BACH2: variants seen among roughly 807,000 people sequenced by gnomAD.
BACH2 encodes transcription regulator protein BACH2.
Under a neutral mutation model 61.8 loss-of-function variants are expected in BACH2, and 5 were observed. That is an observed-to-expected ratio of 0.08 (90% CI 0.04 to 0.17). The LOEUF (loss-of-function observed/expected upper bound fraction) is 0.17. Among genes scored for constraint, BACH2 ranks in the 10% least tolerant of loss-of-function variants. BACH2 has a pLI of 1.00. For missense variants in BACH2, 824 were observed against 1,091.1 expected, an observed-to-expected ratio of 0.76 and a Z score of 3.45; for synonymous variants, 446 against 440.1, an observed-to-expected ratio of 1.01 and a Z score of -0.17.
At chr6:90,196,256 C>T (rs2127846263) in intron 4 of BACH2, among the ~76,000 whole-genome samples, 1 of 151,972 alleles carries the variant, frequency 6.6e-6, no homozygotes, top group East Asian at 1.9e-4. Flanking sequence ...TAGCCAAGAA[C>T]ACAATGCCAT....
At chr6:90,174,355 T>G (rs1343150400) in intron 4 of BACH2, among the ~76,000 whole-genome samples, 1 of 151,968 alleles carries the variant, frequency 6.6e-6, no homozygotes, top group African/African-American at 2.4e-5. Flanking sequence ...AATACAACAT[T>G]CATCATTCAT....
At chr6:90,080,198 C>G (rs2127804639) in intron 5 of BACH2, among the ~76,000 whole-genome samples, 1 of 152,252 alleles carries the variant, frequency 6.6e-6, no homozygotes, top group African/African-American at 2.4e-5. Flanking sequence ...AAAGTGATAT[C>G]AGAAATATAA....
chr6:90,135,550 C>T (rs1179070006), intron 4 of BACH2, among the ~76,000 whole-genome samples: 1 of 152,078 alleles, frequency 6.6e-6, no homozygotes, highest in African/African-American at 2.4e-5. Context: ...CCTGTCTCTA[C>T]CCCAAAACAC....
chr6:90,098,496 C>T (rs376282954), intron 4 of BACH2, among the ~76,000 whole-genome samples: 5 of 152,124 alleles, frequency 3.3e-5, no homozygotes, highest in South Asian at 4.1e-4. Context: ...ATTAGCCTAG[C>T]GCTTTAAGAG....
At chr6:90,123,333 A>T (rs1472721194) in intron 4 of BACH2, among the ~76,000 whole-genome samples, 1 of 152,216 alleles carries the variant, frequency 6.6e-6, no homozygotes, top group Non-Finnish European at 1.5e-5. Context: ...CCTTTGGAGG[A>T]AGTGTGGCCC....
intron 4 of BACH2, among the ~76,000 whole-genome samples, chr6:90,129,946 T>C (rs1435597281): frequency 6.6e-6 from 1 of 151,854 alleles, no homozygotes; most frequent in Non-Finnish European, 1.5e-5. Flanking sequence ...CTCAGCTCAC[T>C]GCAACCTCCA....
At chr6:90,199,290 G>C (rs1186504833) in intron 4 of BACH2, among the ~76,000 whole-genome samples, 1 of 152,184 alleles carries the variant, frequency 6.6e-6, no homozygotes, top group African/African-American at 2.4e-5. Context: ...GAGGAGAAGA[G>C]ATGGGACTGA....
intron 4 of BACH2, among the ~76,000 whole-genome samples, chr6:90,098,155 C>T (rs1384781079): frequency 2.6e-5 from 4 of 152,170 alleles, no homozygotes. Flanking sequence ...GGAGCTGTCT[C>T]CATCATTCTA....
At chr6:90,278,527 A>G (rs1228261019) in intron 1 of BACH2, among the ~76,000 whole-genome samples, 2 of 152,214 alleles carry the variant, frequency 1.3e-5, no homozygotes, top group Non-Finnish European at 2.9e-5. Flanking sequence ...TTAACAACTC[A>G]TGTGCTCATA....
chr6:89,942,083 A>T (rs918380568), intron 7 of BACH2, among the ~76,000 whole-genome samples: 2 of 151,460 alleles, frequency 1.3e-5, no homozygotes, highest in African/African-American at 2.4e-5. Context: ...GGTGAAAAAA[A>T]CCCCAACTCA....
At chr6:89,979,425 G>C (rs1341612420) in intron 6 of BACH2, among the ~76,000 whole-genome samples, 2 of 152,192 alleles carry the variant, frequency 1.3e-5, no homozygotes, top group East Asian at 3.9e-4. Flanking sequence ...TGAGAAGACA[G>C]ATAAGCAATA....
intron 3 of BACH2, among the ~76,000 whole-genome samples, chr6:90,243,502 A>T (rs1029454523): frequency 6.6e-6 from 1 of 152,166 alleles, no homozygotes; most frequent in Admixed American, 6.5e-5. Context: ...TTGCCTTTAG[A>T]TCACAAAAGT....
Position 90,274,995 on chromosome 6 carries a change from G to C in BACH2, c.-445-3054C>G, listed in dbSNP as rs554557493. Among the ~76,000 whole-genome samples the C allele has an allele frequency of 1.7e-4, 26 of 152,300 alleles. No homozygotes were observed. In the East Asian group the frequency reaches 4.8e-3, roughly 28 times the overall value. ...ATGTCACTGGGTCCAAACGCAGGGA[G>C]GACTAGTCTTTGCTTTGGCACCAGG... is the stretch of plus-strand genomic sequence containing the variant. On this transcript the variant is annotated intron_variant, in intron 1 of 8. Coordinates refer to ENST00000257749, the MANE Select transcript of BACH2 (RefSeq NM_021813.4).
intron 4 of BACH2, among the ~76,000 whole-genome samples, chr6:90,118,188 G>A (rs781190318): frequency 1.3e-5 from 2 of 152,212 alleles, no homozygotes; most frequent in African/African-American, 2.4e-5. Context: ...CTTCAGGAAT[G>A]TCATACTAAC....
At chr6:89,940,827 ATAAT>A (rs1489157736) in intron 7 of BACH2, among the ~76,000 whole-genome samples, 1 of 150,976 alleles carries the variant, frequency 6.6e-6, no homozygotes, top group Non-Finnish European at 1.5e-5. Flanking sequence ...TATAGCTAAT[ATAAT>A]TATTAATGAG....
At chr6:90,204,283 G>A (rs564527895) in intron 4 of BACH2, among the ~76,000 whole-genome samples, 108 of 152,200 alleles carry the variant, frequency 7.1e-4, no homozygotes, top group African/African-American at 2.5e-3. Context: ...AATCCACTTA[G>A]AACGTCAGTC....
intron 4 of BACH2, among the ~76,000 whole-genome samples, chr6:90,099,827 GTTT>G (rs1241681453): frequency 7.0e-6 from 1 of 142,226 alleles, no homozygotes; most frequent in Non-Finnish European, 1.6e-5. Context: ...ACAATTCAAT[GTTT>G]TTTAGTATAT....
Position 89,929,557 on chromosome 6 carries a change from A to G in BACH2, c.*2851T>C, listed in dbSNP as rs567040920. On this transcript the variant is annotated 3_prime_UTR_variant, in exon 9 of 9. Transcript: ENST00000257749. ...TCTATGAAATTGGAAGATGGTTTTT[A>G]GAGCAGTGTTTTTAACCAGTTCCCA... The G allele has an allele frequency of 3.0e-4, 46 of 152,456 alleles. No homozygotes were observed. The highest frequency in any genetic ancestry group is 1.1e-3 in the African/African-American group (45 of 41,578). 9.4% of individuals were successfully genotyped at this position (152,456 alleles called of 1,614,324 possible).
chr6:90,009,951 C>A (rs1375669294), intron 5 of BACH2, among the ~76,000 whole-genome samples: 1 of 152,252 alleles, frequency 6.6e-6, no homozygotes, highest in Admixed American at 6.5e-5. Flanking sequence ...AGGCGTGAGC[C>A]ACTGTGCCTG....
Sources: gnomAD v4.1 joint callset for allele counts (sites outside exome capture counted in the v4.1 genomes callset) on GRCh38, gnomAD v4.1.1 for gene constraint, MANE v1.5 for transcripts, NCBI Gene and HGNC (gene_info 2026-07-23, HGNC 2026-07-21) for gene names.